The following COL5A2 variants were observed in gnomAD, a reference collection of about 807,000 sequenced individuals.
COL5A2 encodes the protein collagen type V alpha 2 chain, also known as collagen alpha-2(V) chain.
COL5A2 carries 23 observed loss-of-function variants against 208.2 expected under a neutral mutation model. That is an observed-to-expected ratio of 0.11 (90% CI 0.08 to 0.16). COL5A2 has a LOEUF of 0.16. COL5A2 is among the 10% of genes least tolerant of loss of function. The pLI is 1.00. For missense variants in COL5A2, 1,590 were observed against 1,956.4 expected (o/e 0.81, Z 3.53); for synonymous variants, 625 against 628.5 (o/e 0.99, Z 0.08).
chr2:189,124,617 A>G (rs1687573581), intron 1 of COL5A2, among the ~76,000 whole-genome samples: 2 of 152,276 alleles, frequency 1.3e-5, no homozygotes, highest in East Asian at 3.9e-4. Context: ...ATAAAATGCA[A>G]TTTAAAGAAA....
the COL5A2 span, among the ~76,000 whole-genome samples, chr2:189,356,903 C>G: frequency 1.3e-5 from 2 of 152,172 alleles, no homozygotes; most frequent in African/African-American, 4.8e-5. Context: ...TGTTGGTGAC[C>G]TTCAGATGGG....
In COL5A2 at chr2:189,050,420, T is replaced by C. The variant is rs1018841060; in HGVS notation, c.3039+149A>G. 5 of 694,354 alleles carry C rather than the reference T, an allele frequency of 7.2e-6. No homozygotes were observed. In the Admixed American group the frequency reaches 1.2e-4, roughly 17 times the overall value. The allele number at this position is 694,354 out of a possible 1,614,324, so 43.0% of individuals were successfully genotyped here. A position where few individuals can be genotyped will look rare whatever the true frequency, so the allele number is the denominator to read the frequency against. ...GTAAGGTAGTTAAGAATTTGACATTTAAGATCAAAAGATTTTTAAGAGACT... is the reference window on the plus strand; with the variant it reads ...GTAAGGTAGTTAAGAATTTGACATTCAAGATCAAAAGATTTTTAAGAGACT... On this transcript the variant is annotated intron_variant, in intron 43 of 53. Transcript: ENST00000374866.
the COL5A2 span, among the ~76,000 whole-genome samples, chr2:189,383,261 C>CCT: frequency 6.6e-6 from 1 of 152,136 alleles, no homozygotes; most frequent in East Asian, 1.9e-4. Context: ...TCTCCTGAGG[C>CCT]CTCTGTCTTT....
At chr2:189,432,254 T>G in the COL5A2 span, among the ~76,000 whole-genome samples, 3 of 152,170 alleles carry the variant, frequency 2.0e-5, no homozygotes, top group East Asian at 3.8e-4. Context: ...CCATCAATGC[T>G]AGGAAGAAAC....
At chr2:189,086,978 T>G (rs1291823333) in intron 8 of COL5A2, among the ~76,000 whole-genome samples, 2 of 152,172 alleles carry the variant, frequency 1.3e-5, no homozygotes, top group Non-Finnish European at 2.9e-5. Context: ...TATACATAAC[T>G]TCAGTGTTAT....
chr2:189,349,613 A>G, the COL5A2 span, among the ~76,000 whole-genome samples: 1,106 of 152,294 alleles, frequency 7.3e-3, 16 homozygotes, highest in African/African-American at 0.025. Flanking sequence ...AGCTTCTTTA[A>G]TTAGATACAA....
the COL5A2 span, among the ~76,000 whole-genome samples, chr2:189,363,858 T>A: frequency 1.3e-4 from 20 of 152,266 alleles, no homozygotes; most frequent in African/African-American, 4.6e-4. Context: ...AGCCTTCTCA[T>A]AATAGGAATG....
chr2:189,191,059 G>C, intron 1 of COL5A2, among the ~76,000 whole-genome samples: 1 of 150,584 alleles, frequency 6.6e-6, no homozygotes, highest in South Asian at 2.1e-4. Context: ...AGAGGTTCTG[G>C]ATGTGATAGG....
chr2:189,421,526 T>G, the COL5A2 span, among the ~76,000 whole-genome samples: 1 of 151,954 alleles, frequency 6.6e-6, no homozygotes, highest in Non-Finnish European at 1.5e-5. Flanking sequence ...AAAGCCACCA[T>G]CTGCTTGGGG....
chr2:189,361,582 A>G, the COL5A2 span, among the ~76,000 whole-genome samples: 1 of 151,660 alleles, frequency 6.6e-6, no homozygotes, highest in Non-Finnish European at 1.5e-5. Flanking sequence ...ATGTCTTTTA[A>G]TTAGAGAATT....
At chr2:189,402,508 GT>G in the COL5A2 span, among the ~76,000 whole-genome samples, 1 of 152,234 alleles carries the variant, frequency 6.6e-6, no homozygotes, top group African/African-American at 2.4e-5. Context: ...ATGAGCCACT[GT>G]GCCCGGCCTA....
the COL5A2 span, among the ~76,000 whole-genome samples, chr2:189,249,643 T>C: frequency 6.6e-6 from 1 of 152,216 alleles, no homozygotes; most frequent in African/African-American, 2.4e-5. Context: ...CAGACACCAC[T>C]CAATCCCAAA....
the COL5A2 span, among the ~76,000 whole-genome samples, chr2:189,321,264 A>G: frequency 6.6e-6 from 1 of 152,222 alleles, no homozygotes. Flanking sequence ...TCAACTAACG[A>G]GTAAAATAAC....
intron 1 of COL5A2, among the ~76,000 whole-genome samples, chr2:189,117,732 C>CT (rs5837127): frequency 4.6e-5 from 7 of 150,892 alleles, no homozygotes; most frequent in African/African-American, 1.7e-4. Flanking sequence ...AATTCTTACT[C>CT]TTTTTTTTTT....
At chr2:189,054,243 G>T (rs376166768) in intron 35 of COL5A2, 31 bp from the exon 36 acceptor site, 7 of 1,529,196 alleles carry the variant, frequency 4.6e-6, no homozygotes, top group Non-Finnish European at 6.3e-6. Context: ...GGCATATTGA[G>T]GTAAAAAATG....
At chr2:189,041,482 G>T (rs907700959) in intron 50 of COL5A2, 104 bp downstream of exon 50, 16 of 889,180 alleles carry the variant, frequency 1.8e-5, no homozygotes, top group Non-Finnish European at 2.9e-5. Flanking sequence ...TGTTTTCGGG[G>T]TCCCTTAAGT....
At chr2:189,157,989 T>G (rs758084318) in intron 1 of COL5A2, among the ~76,000 whole-genome samples, 11 of 152,000 alleles carry the variant, frequency 7.2e-5, no homozygotes, top group African/African-American at 1.7e-4. Flanking sequence ...GTAGAGACTG[T>G]GTCTTATATA....
chr2:189,358,734 C>T, the COL5A2 span, among the ~76,000 whole-genome samples: 13 of 152,098 alleles, frequency 8.5e-5, no homozygotes, highest in Admixed American at 2.0e-4. Context: ...TTATTGTGTG[C>T]GTCTTCTCTT....
At chr2:189,236,969 A>G in the COL5A2 span, among the ~76,000 whole-genome samples, 2 of 151,728 alleles carry the variant, frequency 1.3e-5, no homozygotes, top group African/African-American at 2.4e-5. Context: ...TTATTCTCCT[A>G]TTCTTCTAAA....
Sources: gnomAD v4.1 joint callset for allele counts (sites outside exome capture counted in the v4.1 genomes callset) on GRCh38, gnomAD v4.1.1 for gene constraint, MANE v1.5 for transcripts, NCBI Gene and HGNC (gene_info 2026-07-23, HGNC 2026-07-21) for gene names.